Variants in PIEZO1 observed in about 807,000 individuals in gnomAD.
PIEZO1 encodes the protein piezo type mechanosensitive ion channel component 1 (Er blood group).
PIEZO1 carries 296 observed loss-of-function variants against 297.2 expected under a neutral mutation model. That is an observed-to-expected ratio of 1.00 (90% CI 0.91 to 1.10). The LOEUF is 1.10. PIEZO1 is among the 50% of genes least tolerant of loss of function. The pLI, the probability that PIEZO1 is intolerant of heterozygous loss-of-function variation, is 0.00. For missense variants in PIEZO1, 5,018 were observed against 3,455.5 expected, an observed-to-expected ratio of 1.45 and a Z score of -11.34; for synonymous variants, 2,427 against 1,507.5, an observed-to-expected ratio of 1.61 and a Z score of -14.13.
In PIEZO1 at chr16:88,732,640, C is replaced by T. The variant is rs759014278; in HGVS notation, c.2757G>A (p.Val919=). The change falls in exon 20 of 51, where the codon GTG becomes GTA. Residue 919 remains valine (V), a synonymous_variant. Coordinates refer to ENST00000301015, the MANE Select transcript of PIEZO1 (RefSeq NM_001142864.4). The part of the protein sequence containing the change: ...GPVDPANWFG[V]RKGFPNLGYI... The stretch of plus-strand genomic sequence containing the variant: ...AGCCCAGGTTGGGGAACCCTTTCCG[C>T]ACCCCAAACCAGTTGGCAGGGTCCA... The T allele has an allele frequency of 3.1e-5, 48 of 1,549,558 alleles. No homozygotes were observed. Among genetic ancestry groups the T allele is most frequent in the Non-Finnish European group, 3.8e-5 (44 of 1,146,502 alleles).
In PIEZO1 at chr16:88,731,742, G is replaced by C. The variant is rs1478486178; in HGVS notation, c.3160C>G (p.Leu1054Val). The change falls in exon 22 of 51, where the codon CTG becomes GTG. Residue 1054 changes from leucine to valine, a missense_variant. By Grantham distance (32) the Leu-to-Val change is conservative (BLOSUM62 1). Transcript: ENST00000301015. ...GCCGGGGGCATCCCCAGGCACAGCA[G>C]GTACTGGTACAGCAGGAACAGCGCC... Reference protein sequence around the residue: ...FLALFLLYQYLLCLGMPPALC... With the variant: ...FLALFLLYQYVLCLGMPPALC... 18 of 1,549,900 alleles carry C rather than the reference G, an allele frequency of 1.2e-5. No homozygotes were observed. The highest frequency in any genetic ancestry group is 1.6e-5 in the Non-Finnish European group (18 of 1,146,826).
Position 88,720,113 on chromosome 16 carries a change from G to A in PIEZO1, c.6120C>T (p.Ala2040=), listed in dbSNP as rs1912323033. The change falls in exon 42 of 51, where the codon GCC becomes GCT. Residue 2040 remains alanine, a synonymous_variant. Coordinates refer to ENST00000301015, the MANE Select transcript of PIEZO1 (RefSeq NM_001142864.4). ...GGATGAAGAACATCCATAGGTGGAT[G>A]GCCAGCACCAGCGCCACCTGGAAGG... ...KLAFQVALVL[A]IHLWMFFILP... The A allele has an allele frequency of 2.6e-6, 4 of 1,550,294 alleles. No individual in the cohort carries two copies. The South Asian group carries it at 3.6e-5, about 14-fold the overall frequency.
At chr16:88,771,903 T>A (rs111431728) in intron 1 of PIEZO1, among the ~76,000 whole-genome samples, 2 of 24,020 alleles carry the variant, frequency 8.3e-5, no homozygotes, top group Non-Finnish European at 1.4e-4. Context: ...CCCCAGGCCC[T>A]CCTGAGACTC....
intron 34 of PIEZO1, 67 bp from the exon 35 acceptor site, chr16:88,722,756 TG>T (rs1886055487): frequency 6.5e-7 from 1 of 1,527,696 alleles, no homozygotes; most frequent in African/African-American, 1.4e-5. Context: ...TTTCGTGCAG[TG>T]GGCGCGGGAC....
At position 88,716,059 on chromosome 16, in the gene PIEZO1, G is replaced by A. The variant is rs1567656192; in HGVS notation, c.7190C>T (p.Ala2397Val). Residue 2397 changes from alanine (A) to valine (V), a missense_variant, in exon 50 of 51, where the codon GCC becomes GTC. Coordinates refer to ENST00000301015, the MANE Select transcript of PIEZO1 (RefSeq NM_001142864.4). ...IQLRREQGAG[A>V]TGFLEWWVIE... is the part of the protein sequence containing the mutation. ...GACCCACCATTCGAGGAAGCCGGTG[G>A]CCCCCGCACCCTGCTCCCTCCGCAG... The A allele has an allele frequency of 9.0e-6, 14 of 1,550,170 alleles. No individual in the cohort carries two copies. The highest frequency in any genetic ancestry group is 1.2e-5 in the South Asian group (1 of 84,050).
chr16:88,785,081 TCTC>T lies in PIEZO1; in HGVS notation c.-120_-118del. The T allele has an allele frequency of 1.9e-6, 1 of 539,944 alleles. No individual in the cohort carries two copies. The highest frequency in any genetic ancestry group is 9.0e-5 in the South Asian group (1 of 11,140). The allele number at this position is 539,944 out of a possible 1,614,324, so 33.4% of individuals were successfully genotyped here. On this transcript the variant is annotated 5_prime_UTR_variant, in exon 1 of 51. Coordinates refer to ENST00000301015, the MANE Select transcript of PIEZO1 (RefSeq NM_001142864.4). ...ACCCGCGGGGACCCGCGCGCCGCCT[TCTC>T]CTCTTCCTCCTTCTCCTTCGGCCGC... is the stretch of plus-strand genomic sequence containing the variant.
chr16:88,720,862 G>A, intron 39 of PIEZO1, 114 bp from the exon 40 acceptor site: 3 of 1,209,550 alleles, frequency 2.5e-6, no homozygotes, highest in Non-Finnish European at 3.4e-6. Flanking sequence ...AGCAGACGGA[G>A]CACAGGAAAG....
Position 88,725,501 on chromosome 16 carries a change from G to A in PIEZO1, c.4077C>T (p.Ala1359=). 2 of 1,529,860 alleles carry A rather than the reference G, an allele frequency of 1.3e-6. No homozygotes were observed. Among genetic ancestry groups the A allele is most frequent in the Non-Finnish European group, 1.8e-6 (2 of 1,134,764 alleles). 94.8% of individuals were successfully genotyped at this position (1,529,860 alleles called of 1,614,324 possible). ...QLKRQMERIR[A]KQEKHRQGRV... is the part of the protein sequence containing the mutation. The stretch of plus-strand genomic sequence containing the variant: ...GGCCCTGCCTGTGCTTCTCCTGCTT[G>A]GCACGGATACGCTCCATCCTGTGGT... The change falls in exon 29 of 51, where the codon GCC becomes GCT. Residue 1359 remains alanine (A), a synonymous_variant. Coordinates refer to ENST00000301015, the MANE Select transcript of PIEZO1 (RefSeq NM_001142864.4).
chr16:88,759,167 T>C (rs1906811312), intron 1 of PIEZO1, among the ~76,000 whole-genome samples: 1 of 152,200 alleles, frequency 6.6e-6, no homozygotes. Context: ...CCAACCTTCC[T>C]CTCATCAAAG....
chr16:88,744,267 C>G (rs929814437), intron 2 of PIEZO1: 2 of 153,118 alleles, frequency 1.3e-5, no homozygotes, highest in Admixed American at 6.5e-5. Context: ...CACCCTCTAG[C>G]CTGACGTTGA....
rs1904357392 is a variant in PIEZO1, at chr16:88,725,507, G to A, written c.4071C>T (p.Ile1357=). 3 of 1,534,480 alleles carry A rather than the reference G, an allele frequency of 2.0e-6. No individual in the cohort carries two copies. Among genetic ancestry groups the A allele is most frequent in the Non-Finnish European group, 2.6e-6 (3 of 1,137,522 alleles). ...GCCTGTGCTTCTCCTGCTTGGCACG[G>A]ATACGCTCCATCCTGTGGTGGGGAA... ...LAQLKRQMER[I]RAKQEKHRQG... is the part of the protein sequence containing the mutation. Residue 1357 remains isoleucine (I), a synonymous_variant, in exon 29 of 51, where the codon ATC becomes ATT. Transcript: ENST00000301015.
rs1555553258 is a variant in PIEZO1, at chr16:88,723,090, C to CGTACCTG, written c.4493_4495+4dup. ...CTCCCACTCCCCAGCCCCGGGCCCA[C>CGTACCTG]GTACCTGCCGCTGCCTCCTCGGGGC... On this transcript the variant is annotated splice_donor_region_variant and intron_variant, in intron 33 of 50. Coordinates refer to ENST00000301015, the MANE Select transcript of PIEZO1 (RefSeq NM_001142864.4). 1 of 1,547,348 alleles carries CGTACCTG rather than the reference C, an allele frequency of 6.5e-7. No individual in the cohort carries two copies. Among genetic ancestry groups the CGTACCTG allele is most frequent in the Non-Finnish European group, 8.7e-7 (1 of 1,146,552 alleles).
chr16:88,727,876 G>A (rs941827319), intron 22 of PIEZO1: 11 of 377,242 alleles, frequency 2.9e-5, no homozygotes, highest in African/African-American at 1.9e-4. Flanking sequence ...GGGGGCAAAG[G>A]AACTGAGCAG....
intron 1 of PIEZO1, among the ~76,000 whole-genome samples, chr16:88,779,187 C>T (rs1907813449): frequency 6.6e-6 from 1 of 152,040 alleles, no homozygotes; most frequent in Non-Finnish European, 1.5e-5. Context: ...TACAGGTGCC[C>T]GCCACCATGC....
Position 88,720,430 on chromosome 16 carries a change from A to C in PIEZO1, c.5904T>G (p.Asp1968Glu). 6.4e-7 allele frequency: 1 copy of C among 1,550,558 alleles called. No homozygotes were observed. Among genetic ancestry groups the C allele is most frequent in the African/African-American group, 1.4e-5 (1 of 73,170 alleles). The change falls in exon 41 of 51, where the codon GAT (aspartate) becomes GAG (glutamate). Residue 1968 changes from aspartate (D) to glutamate (E), a missense_variant. Transcript: ENST00000301015. ...TDVYALMFLA[D>E]VVDFIIIIFG... is the part of the protein sequence containing the mutation. ...AAATGATGATGATGAAGTCGACAAC[A>C]TCAGCCAGGAACATGAGGGCATAGA...
chr16:88,732,366 A>G lies in PIEZO1; in HGVS notation c.2960T>C (p.Ile987Thr). Reference sequence around the variant, plus strand: ...CCCGAATTTGTAGAAGAAGAAGTTGATGAAGTACTTGAGGCAGCCGAGCAG... The same window carrying G: ...CCCGAATTTGTAGAAGAAGAAGTTGGTGAAGTACTTGAGGCAGCCGAGCAG... ...QDLLGCLKYFINFFFYKFGLE... is the reference protein window; with the variant it reads ...QDLLGCLKYFTNFFFYKFGLE... Residue 987 changes from isoleucine to threonine, a missense_variant, in exon 21 of 51, where the codon ATC becomes ACC. Transcript: ENST00000301015. The G allele has an allele frequency of 1.9e-6, 3 of 1,549,614 alleles. No individual in the cohort carries two copies. The highest frequency in any genetic ancestry group is 2.6e-6 in the Non-Finnish European group (3 of 1,146,426).
rs549082352 is a variant in PIEZO1, at chr16:88,736,221, G to A, written c.1484C>T (p.Thr495Ile). 8 of 1,549,806 alleles carry A rather than the reference G, an allele frequency of 5.2e-6. No individual in the cohort carries two copies. The highest frequency in any genetic ancestry group is 2.4e-5 in the East Asian group (1 of 40,918). Residue 495 changes from threonine to isoleucine, a missense_variant, in exon 12 of 51, where the codon ACC becomes ATC. By Grantham distance (89) the Thr-to-Ile change is moderately conservative (BLOSUM62 -1). Transcript: ENST00000301015. ...CTGGCGCAGGCTGACGGGGCCCAGGGTGGTGGGCAGCTCAGGGCGCAGGTC... is the reference window on the plus strand; with the variant it reads ...CTGGCGCAGGCTGACGGGGCCCAGGATGGTGGGCAGCTCAGGGCGCAGGTC... ...AMDLRPELPT[T>I]LGPVSLRQLG... is the part of the protein sequence containing the mutation.
In PIEZO1 at chr16:88,716,541, C is replaced by G; in HGVS notation, c.6926+18G>C. On this transcript the variant is annotated intron_variant, in intron 47 of 50. Transcript: ENST00000301015. ...GTGGGTCCACCCACCCAGGCACTGC[C>G]CCAAGTCCAGGACGAACCTCTGGAA... 1.3e-6 allele frequency: 2 copies of G among 1,538,494 alleles called. No individual in the cohort carries two copies. The highest frequency in any genetic ancestry group is 1.8e-6 in the Non-Finnish European group (2 of 1,139,180).
chr16:88,734,297 C>T (rs1388264224), intron 16 of PIEZO1, 59 bp downstream of exon 16: 4 of 1,413,212 alleles, frequency 2.8e-6, no homozygotes, highest in East Asian at 2.5e-5. Context: ...CACCTGGCTC[C>T]CTCCCTGGCC....
Sources: allele counts gnomAD v4.1 joint callset (sites outside exome capture counted in the v4.1 genomes callset), GRCh38; gene constraint gnomAD v4.1.1; transcripts MANE v1.5; gene names NCBI Gene and HGNC (gene_info 2026-07-23, HGNC 2026-07-21).